ELMO1: variants seen among roughly 807,000 people sequenced by gnomAD.
ELMO1 encodes engulfment and cell motility 1, also known as engulfment and cell motility protein 1.
Under a neutral mutation model 98.9 loss-of-function variants are expected in ELMO1, and 26 were observed. The observed-to-expected ratio is 0.26, with a 90% CI of 0.19 to 0.36. The LOEUF (loss-of-function observed/expected upper bound fraction) is 0.36, where lower values mean the gene tolerates loss of function less well. Ranked by LOEUF, ELMO1 falls within the 10% of genes least tolerant of loss-of-function variation. The pLI is 1.00. For synonymous variants in ELMO1, 346 were observed against 346.0 expected, an observed-to-expected ratio of 1.00 and a Z score of 0.00; for missense variants, 627 against 935.2, an observed-to-expected ratio of 0.67 and a Z score of 4.30.
At chr7:37,177,850 T>C (rs986410452) in intron 13 of ELMO1, among the ~76,000 whole-genome samples, 3 of 152,208 alleles carry the variant, frequency 2.0e-5, no homozygotes, top group Non-Finnish European at 4.4e-5. Context: ...CTCTTTGTAT[T>C]TGAAGGGGAG....
chr7:37,403,640 C>A (rs1482790466), intron 1 of ELMO1, among the ~76,000 whole-genome samples: 3 of 152,090 alleles, frequency 2.0e-5, no homozygotes, highest in Non-Finnish European at 4.4e-5. Flanking sequence ...GACCTCCTGG[C>A]CTCAAGCAAT....
chr7:37,170,553 C>A (rs1790079020), intron 13 of ELMO1, among the ~76,000 whole-genome samples: 1 of 137,926 alleles, frequency 7.3e-6, no homozygotes, highest in Non-Finnish European at 1.6e-5. Flanking sequence ...AACTAACTTA[C>A]TCTTTTATTT....
At position 36,853,081 on chromosome 7, in the gene ELMO1, G is replaced by T. The variant is rs1205622170; in HGVS notation, c.*2470C>A. ...TTGGAGGTGGTAGGCTCATTGCATG[G>T]GAAAAAAAGCCTTGGGCAGCCTGGA... On this transcript the variant is annotated 3_prime_UTR_variant, in exon 22 of 22. Coordinates refer to ENST00000310758, the MANE Select transcript of ELMO1 (RefSeq NM_014800.11). 6.6e-6 allele frequency among the ~76,000 whole-genome samples: 1 copy of T among 152,110 alleles called. No homozygotes were observed. Among genetic ancestry groups the T allele is most frequent in the Non-Finnish European group, 1.5e-5 (1 of 68,030 alleles).
At chr7:37,374,290 G>C (rs1480170996) in intron 1 of ELMO1, among the ~76,000 whole-genome samples, 1 of 151,970 alleles carries the variant, frequency 6.6e-6, no homozygotes, top group Non-Finnish European at 1.5e-5. Flanking sequence ...AGGTTTTGCT[G>C]TTGTTATGCA....
chr7:37,058,477 G>T (rs752754429), intron 15 of ELMO1, among the ~76,000 whole-genome samples: 55 of 152,244 alleles, frequency 3.6e-4, no homozygotes, highest in Non-Finnish European at 6.2e-4. Context: ...CTGCACTGGG[G>T]TGGGGGACAT....
intron 16 of ELMO1, among the ~76,000 whole-genome samples, chr7:36,967,512 G>C (rs1467103614): frequency 1.3e-5 from 2 of 152,132 alleles, no homozygotes; most frequent in South Asian, 4.1e-4. Flanking sequence ...GCCACTAGGG[G>C]GAGTGTTGGC....
chr7:37,000,124 T>C (rs374850895), intron 16 of ELMO1, among the ~76,000 whole-genome samples: 69 of 152,236 alleles, frequency 4.5e-4, no homozygotes, highest in East Asian at 2.7e-3. Flanking sequence ...CAAACACACG[T>C]TGGGGCAAAA....
chr7:37,409,374 C>G (rs1180335967), intron 1 of ELMO1, among the ~76,000 whole-genome samples: 1 of 152,210 alleles, frequency 6.6e-6, no homozygotes, highest in Non-Finnish European at 1.5e-5. Context: ...TGGCTGTGTA[C>G]TGCTGTGTAA....
chr7:37,265,555 C>T (rs1186260559), intron 5 of ELMO1, among the ~76,000 whole-genome samples: 2 of 152,034 alleles, frequency 1.3e-5, no homozygotes, highest in Admixed American at 6.6e-5. Context: ...CATGAGGCGT[C>T]CCTGTCCAGC....
chr7:37,381,963 A>C (rs890074536), intron 1 of ELMO1, among the ~76,000 whole-genome samples: 2 of 152,198 alleles, frequency 1.3e-5, no homozygotes, highest in Admixed American at 1.3e-4. Flanking sequence ...AAAAGAAAAA[A>C]AATTATATAG....
Position 36,868,911 on chromosome 7 carries a change from C to T in ELMO1, c.1905+1482G>A, listed in dbSNP as rs138930135. 7.9e-3 allele frequency among the ~76,000 whole-genome samples: 1,207 copies of T among 152,272 alleles called. 7 individuals carry two copies. The highest frequency in any genetic ancestry group is 0.014 in the Non-Finnish European group (975 of 68,042). ...TGTTACGTAACTGTGGGGACCTCCT[C>T]GGCTGAAGCTGAGCAGAGCCCGTGC... On this transcript the variant is annotated intron_variant, in intron 20 of 21. Coordinates refer to ENST00000310758, the MANE Select transcript of ELMO1 (RefSeq NM_014800.11).
chr7:37,049,314 G>A (rs73688656), intron 15 of ELMO1, among the ~76,000 whole-genome samples: 6,588 of 152,176 alleles, frequency 0.043, 428 homozygotes, highest in African/African-American at 0.14. Flanking sequence ...CTCTTGGGCC[G>A]GGATTCTTCT....
At position 37,267,356 on chromosome 7, in the gene ELMO1, C is replaced by T. The variant is rs908271679; in HGVS notation, c.243+4476G>A. 2.6e-5 allele frequency among the ~76,000 whole-genome samples: 4 copies of T among 152,202 alleles called. No individual in the cohort carries two copies. The East Asian group carries it at 7.7e-4, about 29-fold the overall frequency. On this transcript the variant is annotated intron_variant, in intron 5 of 21. Coordinates refer to ENST00000310758, the MANE Select transcript of ELMO1 (RefSeq NM_014800.11). ...TCTACAACATAAAAATTACCTACTG[C>T]ACTTACCTAGTCCAACTGATAGATA... is the stretch of plus-strand genomic sequence containing the variant.
At chr7:37,006,698 G>A (rs1793150605) in intron 16 of ELMO1, among the ~76,000 whole-genome samples, 1 of 152,142 alleles carries the variant, frequency 6.6e-6, no homozygotes, top group Admixed American at 6.5e-5. Flanking sequence ...GAGGGTGATT[G>A]GGGAAAAATA....
At chr7:37,346,647 A>T (rs1381034341) in intron 1 of ELMO1, among the ~76,000 whole-genome samples, 1 of 152,242 alleles carries the variant, frequency 6.6e-6, no homozygotes, top group Admixed American at 6.5e-5. Flanking sequence ...AGAATTAAGA[A>T]AGCAGGCTCT....
At chr7:37,198,089 A>G (rs1377981077) in intron 13 of ELMO1, among the ~76,000 whole-genome samples, 3 of 152,234 alleles carry the variant, frequency 2.0e-5, no homozygotes, top group African/African-American at 7.2e-5. Context: ...ATGTGCCTAC[A>G]TGCTAATTCC....
chr7:37,335,367 G>C (rs1396051710), intron 2 of ELMO1, among the ~76,000 whole-genome samples: 1 of 152,126 alleles, frequency 6.6e-6, no homozygotes, highest in East Asian at 1.9e-4. Context: ...GACCATGAAT[G>C]TGCGGGAACA....
At chr7:37,375,163 AAC>A (rs1474801194) in intron 1 of ELMO1, among the ~76,000 whole-genome samples, 3 of 152,222 alleles carry the variant, frequency 2.0e-5, no homozygotes, top group Non-Finnish European at 4.4e-5. Flanking sequence ...CCCTAGAAGC[AAC>A]ACAGTGTTCA....
chr7:37,336,943 A>G (rs1800448657), intron 2 of ELMO1, among the ~76,000 whole-genome samples: 1 of 152,190 alleles, frequency 6.6e-6, no homozygotes, highest in Admixed American at 6.5e-5. Flanking sequence ...ACTGTTGAAG[A>G]CAGAGAAGAA....
Sources: gnomAD v4.1 joint callset for allele counts (sites outside exome capture counted in the v4.1 genomes callset) on GRCh38, gnomAD v4.1.1 for gene constraint, MANE v1.5 for transcripts, NCBI Gene and HGNC (gene_info 2026-07-23, HGNC 2026-07-21) for gene names.